CADM1: variants seen among roughly 807,000 people sequenced by gnomAD.
The protein encoded by CADM1 is TSLC-1.
In CADM1, 15 loss-of-function variants were observed where a neutral mutation model predicts 53.1. The observed-to-expected ratio is 0.28, with a 90% CI of 0.19 to 0.44. The LOEUF (loss-of-function observed/expected upper bound fraction) is 0.44. CADM1 is among the 20% of genes least tolerant of loss of function. The pLI is 1.00. For synonymous variants in CADM1, 281 were observed against 243.0 expected (o/e 1.16, Z -1.45); for missense variants, 434 against 611.3 (o/e 0.71, Z 3.06).
intron 1 of CADM1, among the ~76,000 whole-genome samples, chr11:115,421,496 C>A (rs1947756324): frequency 1.3e-5 from 2 of 152,242 alleles, no homozygotes; most frequent in African/African-American, 4.8e-5. Flanking sequence ...CTATTTCTGC[C>A]TGCCCTTCAG....
intron 1 of CADM1, among the ~76,000 whole-genome samples, chr11:115,427,477 C>T (rs1481397162): frequency 1.3e-5 from 2 of 151,990 alleles, no homozygotes; most frequent in Admixed American, 6.5e-5. Flanking sequence ...ATGGATTTTA[C>T]GTTTATGCCT....
intron 1 of CADM1, among the ~76,000 whole-genome samples, chr11:115,443,201 G>GA (rs913667898): frequency 4.3e-4 from 48 of 111,678 alleles, no homozygotes; most frequent in African/African-American, 1.4e-3. Context: ...CACCAAGGGA[G>GA]AAAAAAAAAT....
At chr11:115,337,773 G>A (rs982479763) in intron 1 of CADM1, among the ~76,000 whole-genome samples, 1 of 152,084 alleles carries the variant, frequency 6.6e-6, no homozygotes, top group Non-Finnish European at 1.5e-5. Context: ...TGATAATAAT[G>A]CTGTTGTGAT....
intron 1 of CADM1, among the ~76,000 whole-genome samples, chr11:115,472,620 C>G (rs1213514415): frequency 1.3e-5 from 2 of 152,208 alleles, no homozygotes; most frequent in Non-Finnish European, 2.9e-5. Flanking sequence ...TTATTCACTG[C>G]CACAGTAGTG....
rs1420758790 is a variant in CADM1 at position 115,173,993 on chromosome 11, T to G, written c.*2481A>C. The G allele has an allele frequency of 2.1e-6, 2 of 958,820 alleles. No individual in the cohort carries two copies. Among genetic ancestry groups the G allele is most frequent in the Non-Finnish European group, 1.2e-6 (1 of 805,812 alleles). 59.4% of individuals were successfully genotyped at this position (958,820 alleles called of 1,614,324 possible). ...ACAATACATTTCAAACAGTGCACTGTATACTTAAGAAAAAATACATAAACC... is the reference window on the plus strand; with the variant it reads ...ACAATACATTTCAAACAGTGCACTGGATACTTAAGAAAAAATACATAAACC... On this transcript the variant is annotated 3_prime_UTR_variant, in exon 12 of 12. Coordinates refer to ENST00000331581, the MANE Select transcript of CADM1 (RefSeq NM_001301043.2).
At chr11:115,288,167 C>A (rs1565345204) in intron 1 of CADM1, among the ~76,000 whole-genome samples, 1 of 152,106 alleles carries the variant, frequency 6.6e-6, no homozygotes, top group African/African-American at 2.4e-5. Context: ...AAGGGCCCTA[C>A]AGGGAGAATG....
intron 9 of CADM1, among the ~76,000 whole-genome samples, chr11:115,191,694 G>A (rs549506166): frequency 1.3e-5 from 2 of 152,140 alleles, no homozygotes; most frequent in African/African-American, 4.8e-5. Context: ...AACAATGGGA[G>A]GCTCAGATAG....
At chr11:115,474,151 C>T (rs1035046246) in intron 1 of CADM1, among the ~76,000 whole-genome samples, 2 of 151,160 alleles carry the variant, frequency 1.3e-5, no homozygotes, top group Admixed American at 6.6e-5. Context: ...AAAATACAGG[C>T]GTGGTGGTGG....
Position 115,448,790 on chromosome 11 carries a change from G to A in CADM1, c.124+55481C>T, listed in dbSNP as rs566929394. 4.6e-5 allele frequency among the ~76,000 whole-genome samples: 7 copies of A among 152,152 alleles called. No individual in the cohort carries two copies. The East Asian group carries it at 1.4e-3, about 29-fold the overall frequency. On this transcript the variant is annotated intron_variant, in intron 1 of 11. Coordinates refer to ENST00000331581, the MANE Select transcript of CADM1 (RefSeq NM_001301043.2). ...GTACCAGCTTAATTCTTGGGTAAAG[G>A]AGTATAAAAATACATTATTGAAGGT...
At chr11:115,374,813 G>A (rs992186294) in intron 1 of CADM1, among the ~76,000 whole-genome samples, 6 of 152,074 alleles carry the variant, frequency 3.9e-5, no homozygotes, top group African/African-American at 1.4e-4. Context: ...CTTAAACTTC[G>A]AGGGAGAAAA....
At chr11:115,459,160 A>G (rs1948742680) in intron 1 of CADM1, among the ~76,000 whole-genome samples, 1 of 152,140 alleles carries the variant, frequency 6.6e-6, no homozygotes, top group South Asian at 2.1e-4. Context: ...AATGGAAAGG[A>G]GTGTTATTGC....
In CADM1 at chr11:115,440,145, C is replaced by T. The variant is rs546703870; in HGVS notation, c.124+64126G>A. 2.0e-5 allele frequency among the ~76,000 whole-genome samples: 3 copies of T among 152,274 alleles called. No individual in the cohort carries two copies. In the East Asian group the frequency reaches 5.8e-4, roughly 29 times the overall value. On this transcript the variant is annotated intron_variant, in intron 1 of 11. Transcript: ENST00000331581. ...AATTTCCATCCACACATGGTCTTGG[C>T]AAAAAATTAGTTGGCATAATCATCT...
At chr11:115,270,172 C>A (rs1036038524) in intron 1 of CADM1, among the ~76,000 whole-genome samples, 2 of 152,174 alleles carry the variant, frequency 1.3e-5, no homozygotes, top group Admixed American at 6.5e-5. Flanking sequence ...TACGCAGACA[C>A]ACAATAACAA....
At chr11:115,465,400 G>C (rs190403013) in intron 1 of CADM1, among the ~76,000 whole-genome samples, 150 of 152,198 alleles carry the variant, frequency 9.9e-4, no homozygotes, top group Non-Finnish European at 1.9e-3. Flanking sequence ...GAGGTGTTTA[G>C]TAAACTTACA....
chr11:115,469,396 A>G (rs758613347), intron 1 of CADM1, among the ~76,000 whole-genome samples: 3 of 152,206 alleles, frequency 2.0e-5, no homozygotes, highest in Non-Finnish European at 4.4e-5. Flanking sequence ...ATAAATGGAA[A>G]GACTGAGGCT....
At chr11:115,361,605 T>G (rs2135095591) in intron 1 of CADM1, among the ~76,000 whole-genome samples, 1 of 152,330 alleles carries the variant, frequency 6.6e-6, no homozygotes, top group East Asian at 1.9e-4. Context: ...GCCAAATTTA[T>G]TTCGAGGAAA....
At chr11:115,349,993 T>C (rs750368180) in intron 1 of CADM1, among the ~76,000 whole-genome samples, 5 of 152,160 alleles carry the variant, frequency 3.3e-5, no homozygotes, top group Admixed American at 6.5e-5. Flanking sequence ...TTTTTTGAGA[T>C]GGAGTTTCGC....
chr11:115,431,663 G>A (rs780611887), intron 1 of CADM1, among the ~76,000 whole-genome samples: 3 of 151,912 alleles, frequency 2.0e-5, no homozygotes, highest in Admixed American at 1.3e-4. Flanking sequence ...TCCAGCTAAT[G>A]GCTTTCTTTC....
rs549819382 is a variant in CADM1 at position 115,273,269 on chromosome 11, C to T, written c.125-32849G>A. Among the ~76,000 whole-genome samples, 3 of 152,326 alleles carry T rather than the reference C, an allele frequency of 2.0e-5. No homozygotes were observed. In the South Asian group the frequency reaches 6.2e-4, roughly 32 times the overall value. Reference sequence around the variant, plus strand: ...TTGACCACAACCAAGAGGCCTAAGACATCATCACTGTCTAGATAAAGAATG... The same window carrying T: ...TTGACCACAACCAAGAGGCCTAAGATATCATCACTGTCTAGATAAAGAATG... On this transcript the variant is annotated intron_variant, in intron 1 of 11. Coordinates refer to ENST00000331581, the MANE Select transcript of CADM1 (RefSeq NM_001301043.2).
Sources: gnomAD v4.1 joint callset for allele counts (sites outside exome capture counted in the v4.1 genomes callset) on GRCh38, gnomAD v4.1.1 for gene constraint, MANE v1.5 for transcripts, NCBI Gene and HGNC (gene_info 2026-07-23, HGNC 2026-07-21) for gene names.